Variants in PDE1A observed in about 807,000 individuals in gnomAD.
PDE1A encodes dual specificity calcium/calmodulin-dependent 3',5'-cyclic nucleotide phosphodiesterase 1A.
Under a neutral mutation model 61.7 loss-of-function variants are expected in PDE1A, and 35 were observed. The ratio of observed to expected loss-of-function variants is 0.57; its 90% CI spans 0.43 to 0.75. The LOEUF (loss-of-function observed/expected upper bound fraction) is 0.75, where lower values mean the gene tolerates loss of function less well. PDE1A is among the 30% of genes least tolerant of loss of function. The pLI is 0.00. For missense variants in PDE1A, 597 were observed against 630.6 expected, an observed-to-expected ratio of 0.95 and a Z score of 0.57; for synonymous variants, 232 against 213.2, an observed-to-expected ratio of 1.09 and a Z score of -0.77.
chr2:182,478,914 A>G (rs1012390196), intron 2 of PDE1A, among the ~76,000 whole-genome samples: 2 of 151,920 alleles, frequency 1.3e-5, no homozygotes, highest in Admixed American at 6.6e-5. Flanking sequence ...TGACTTGACT[A>G]TAACAACATT....
intron 1 of PDE1A, among the ~76,000 whole-genome samples, chr2:182,376,842 C>T (rs1177919738): frequency 6.6e-6 from 1 of 152,148 alleles, no homozygotes; most frequent in Non-Finnish European, 1.5e-5. Context: ...CAAGTCACAT[C>T]TTATTGGATG....
intron 1 of PDE1A, among the ~76,000 whole-genome samples, chr2:182,405,937 C>T (rs1702273434): frequency 6.6e-6 from 1 of 151,696 alleles, no homozygotes; most frequent in South Asian, 2.1e-4. Context: ...TAAAATATTA[C>T]TAATAAAAAG....
At chr2:182,561,459 T>G in the PDE1A span, among the ~76,000 whole-genome samples, 4 of 152,254 alleles carry the variant, frequency 2.6e-5, no homozygotes, top group East Asian at 5.8e-4. Context: ...GTTACTGTAG[T>G]CTGGTAGTAT....
intron 2 of PDE1A, among the ~76,000 whole-genome samples, chr2:182,453,589 C>G (rs1446960939): frequency 2.6e-5 from 4 of 152,016 alleles, no homozygotes; most frequent in Non-Finnish European, 4.4e-5. Context: ...GGGCTTCATC[C>G]CTGGGATGCA....
At chr2:182,382,262 G>T (rs1485026856) in intron 1 of PDE1A, among the ~76,000 whole-genome samples, 1 of 152,156 alleles carries the variant, frequency 6.6e-6, no homozygotes, top group South Asian at 2.1e-4. Context: ...AGTGATATAA[G>T]AAGGCAGAAG....
chr2:182,647,480 C>A, the PDE1A span, among the ~76,000 whole-genome samples: 1 of 152,104 alleles, frequency 6.6e-6, no homozygotes, highest in Non-Finnish European at 1.5e-5. Context: ...TTATAATGTG[C>A]CAAGAGCCTC....
At chr2:182,402,511 T>C (rs908258292) in intron 1 of PDE1A, among the ~76,000 whole-genome samples, 5 of 152,192 alleles carry the variant, frequency 3.3e-5, no homozygotes, top group East Asian at 1.9e-4. Context: ...TTATACCTTA[T>C]ACAGAAATCA....
the PDE1A span, among the ~76,000 whole-genome samples, chr2:182,627,394 T>A: frequency 8.4e-6 from 1 of 118,554 alleles, no homozygotes; most frequent in Non-Finnish European, 1.6e-5. Flanking sequence ...ATATATAATG[T>A]ATATTATATT....
At chr2:182,610,010 C>A in the PDE1A span, among the ~76,000 whole-genome samples, 2 of 152,002 alleles carry the variant, frequency 1.3e-5, no homozygotes, top group Non-Finnish European at 1.5e-5. Flanking sequence ...ATCGCTTGAA[C>A]CCAGGAGGCG....
intron 1 of PDE1A, among the ~76,000 whole-genome samples, chr2:182,395,963 T>A (rs960334548): frequency 6.6e-5 from 10 of 152,160 alleles, no homozygotes; most frequent in African/African-American, 2.4e-4. Flanking sequence ...TTCTTACCCA[T>A]CTAGCCATAA....
chr2:182,381,813 A>AAATAAT (rs570944722), intron 1 of PDE1A, among the ~76,000 whole-genome samples: 148 of 151,134 alleles, frequency 9.8e-4, no homozygotes, highest in Middle Eastern at 6.8e-3. Flanking sequence ...CTCTGTCTCA[A>AAATAAT]AATAATAATA....
intron 1 of PDE1A, among the ~76,000 whole-genome samples, chr2:182,294,473 A>T (rs1400489713): frequency 6.6e-6 from 1 of 152,208 alleles, no homozygotes; most frequent in Non-Finnish European, 1.5e-5. Context: ...CATATACAAG[A>T]TCTCAAGTAA....
At chr2:182,658,047 T>TAAAAAAAAA in the PDE1A span, among the ~76,000 whole-genome samples, 724 of 66,494 alleles carry the variant, frequency 0.011, 69 homozygotes, top group African/African-American at 0.046. Context: ...AGCTTCTCAG[T>TAAAAAAAAA]AAAAAAAAAA....
intron 2 of PDE1A, among the ~76,000 whole-genome samples, chr2:182,458,180 A>G (rs1686046014): frequency 6.6e-6 from 1 of 152,120 alleles, no homozygotes; most frequent in African/African-American, 2.4e-5. Flanking sequence ...AATGGGAAAC[A>G]AACAAACTAA....
At chr2:182,166,084 T>C (rs894477589), downstream of PDE1A, among the ~76,000 whole-genome samples, 5 of 152,032 alleles carry the variant, frequency 3.3e-5, no homozygotes, top group African/African-American at 1.2e-4. Flanking sequence ...AGATTAGGTG[T>C]GGTTTAAAGA....
chr2:182,207,778 G>A (rs1687238305), intron 7 of PDE1A, among the ~76,000 whole-genome samples: 1 of 152,204 alleles, frequency 6.6e-6, no homozygotes, highest in African/African-American at 2.4e-5. Flanking sequence ...AGGGAAAAAT[G>A]GATTCATGGG....
At chr2:182,258,546 A>G (rs2125766290) in intron 2 of PDE1A, among the ~76,000 whole-genome samples, 1 of 152,354 alleles carries the variant, frequency 6.6e-6, no homozygotes, top group South Asian at 2.1e-4. Flanking sequence ...AAAAATTCTG[A>G]GACCCTTGAG....
chr2:182,697,045 T>C, the PDE1A span, among the ~76,000 whole-genome samples: 8 of 152,206 alleles, frequency 5.3e-5, no homozygotes, highest in African/African-American at 1.7e-4. Context: ...AGCTTATCAT[T>C]TGAGAAATGT....
chr2:182,347,400 C>T (rs1452408142), intron 1 of PDE1A, among the ~76,000 whole-genome samples: 1 of 152,064 alleles, frequency 6.6e-6, no homozygotes, highest in East Asian at 1.9e-4. Flanking sequence ...TATAATAGCT[C>T]ATTTGTGCTA....
Sources: allele counts gnomAD v4.1 joint callset (sites outside exome capture counted in the v4.1 genomes callset), GRCh38; gene constraint gnomAD v4.1.1; transcripts MANE v1.5; gene names NCBI Gene and HGNC (gene_info 2026-07-23, HGNC 2026-07-21).